SMAD3: variants seen among roughly 807,000 people sequenced by gnomAD.
The protein encoded by SMAD3 is MAD homolog 3.
SMAD3 carries 12 observed loss-of-function variants against 51.8 expected under a neutral mutation model. That is an observed-to-expected ratio of 0.23 (90% confidence interval 0.15 to 0.38). SMAD3 has a LOEUF of 0.38. SMAD3 is among the 10% of genes least tolerant of loss of function. SMAD3 has a pLI of 1.00. For missense variants in SMAD3, 294 were observed against 565.6 expected, an observed-to-expected ratio of 0.52 and a Z score of 4.87; for synonymous variants, 238 against 227.7, an observed-to-expected ratio of 1.05 and a Z score of -0.41.
intron 1 of SMAD3, among the ~76,000 whole-genome samples, chr15:67,125,297 G>A (rs1387718476): frequency 1.3e-5 from 2 of 152,222 alleles, no homozygotes; most frequent in Non-Finnish European, 2.9e-5. Flanking sequence ...GATTAAGAGC[G>A]GCTCCAGTGT....
chr15:67,181,465 C>A lies in SMAD3; in HGVS notation c.871+12C>A. The stretch of plus-strand genomic sequence containing the variant: ...ACGGAGACACATCGGTATGGGGTGG[C>A]TCCATTCCCCGCCCCCCCACCCTGC... On this transcript the variant is annotated intron_variant, in intron 6 of 8. Coordinates refer to ENST00000327367, the MANE Select transcript of SMAD3 (RefSeq NM_005902.4). The A allele has an allele frequency of 6.3e-7, 1 of 1,593,200 alleles. No individual in the cohort carries two copies. Among genetic ancestry groups the A allele is most frequent in the Non-Finnish European group, 8.5e-7 (1 of 1,171,150 alleles).
At chr15:67,182,995 AAAAAAATATAT>A (rs1215963118) in intron 6 of SMAD3, among the ~76,000 whole-genome samples, 4 of 57,428 alleles carry the variant, frequency 7.0e-5, no homozygotes, top group East Asian at 5.4e-4. Context: ...TTAAAAAAAA[AAAAAAATATAT>A]ATATATATAT....
rs1289003673 is a variant in SMAD3 at position 67,190,410 on chromosome 15, C to A, written c.1155-3C>A. Reference sequence around the variant, plus strand: ...ACCCCACCCCTTTCCCTATTTCTTACAGGAGACAGACTGTGACCAGTACCC... The same window carrying A: ...ACCCCACCCCTTTCCCTATTTCTTAAAGGAGACAGACTGTGACCAGTACCC... On this transcript the variant is annotated splice_region_variant and splice_polypyrimidine_tract_variant and intron_variant, in intron 8 of 8. Transcript: ENST00000327367. 1.2e-6 allele frequency: 2 copies of A among 1,613,428 alleles called. No individual in the cohort carries two copies. Among genetic ancestry groups the A allele is most frequent in the South Asian group, 2.2e-5 (2 of 91,064 alleles).
intron 1 of SMAD3, among the ~76,000 whole-genome samples, chr15:67,149,707 T>G (rs1343089458): frequency 1.3e-5 from 2 of 152,194 alleles, no homozygotes; most frequent in Non-Finnish European, 2.9e-5. Flanking sequence ...AAAGGAATGC[T>G]AATTGGCCAC....
intron 1 of SMAD3, among the ~76,000 whole-genome samples, chr15:67,119,267 A>G (rs1961204533): frequency 6.6e-6 from 1 of 152,242 alleles, no homozygotes; most frequent in Non-Finnish European, 1.5e-5. Context: ...CAGAATGGTA[A>G]GGCCTGAAAA....
In SMAD3 at chr15:67,190,701, C is replaced by T. The variant is rs111695641; in HGVS notation, c.*165C>T. On this transcript the variant is annotated 3_prime_UTR_variant, in exon 9 of 9. Transcript: ENST00000327367. ...GTTTTCTGAAACACACGAGCAAACC[C>T]AGAGGTGGATGTTATGAACAGCTGT... is the stretch of plus-strand genomic sequence containing the variant. The T allele has an allele frequency of 6.0e-4, 421 of 700,182 alleles. 3 individuals carry two copies. The African/African-American group carries it at 6.9e-3, about 11-fold the overall frequency. The allele number at this position is 700,182 out of a possible 1,614,324, so 43.4% of individuals were successfully genotyped here. A position where few individuals can be genotyped will look rare whatever the true frequency, so the allele number is the denominator to read the frequency against.
intron 1 of SMAD3, among the ~76,000 whole-genome samples, chr15:67,071,723 A>G (rs1010777526): frequency 6.6e-6 from 1 of 152,154 alleles, no homozygotes; most frequent in Non-Finnish European, 1.5e-5. Context: ...GAGGCAAGAG[A>G]ATGGCGTGAA....
chr15:67,190,430 G>A lies in SMAD3; in HGVS notation c.1172G>A (p.Ser391Asn), dbSNP rs2140327723. 6.2e-7 allele frequency: 1 copy of A among 1,614,010 alleles called. No individual in the cohort carries two copies. The highest frequency in any genetic ancestry group is 8.5e-7 in the Non-Finnish European group (1 of 1,179,970). ...GAEYRRQTVT[S>N]TPCWIELHLN... ...TCTTACAGGAGACAGACTGTGACCA[G>A]TACCCCCTGCTGGATTGAGCTGCAC... The change falls in exon 9 of 9, where the codon AGT (serine) becomes AAT (asparagine). Residue 391 changes from serine to asparagine, a missense_variant. Transcript: ENST00000327367.
At position 67,181,437 on chromosome 15, in the gene SMAD3, G is replaced by T; in HGVS notation, c.855G>T (p.Leu285=). The change falls in exon 6 of 9, where the codon CTG becomes CTT. Residue 285 remains leucine, a synonymous_variant. Coordinates refer to ENST00000327367, the MANE Select transcript of SMAD3 (RefSeq NM_005902.4). ...TCAACAGGAATGCAGCAGTGGAGCTGACACGGAGACACATCGGTATGGGGT... is the reference window on the plus strand; with the variant it reads ...TCAACAGGAATGCAGCAGTGGAGCTTACACGGAGACACATCGGTATGGGGT... ...SNVNRNAAVE[L]TRRHIGRGVR... is the part of the protein sequence containing the mutation. 6.2e-7 allele frequency: 1 copy of T among 1,613,246 alleles called. No individual in the cohort carries two copies. Among genetic ancestry groups the T allele is most frequent in the South Asian group, 1.1e-5 (1 of 91,038 alleles).
chr15:67,143,949 A>G (rs1279136446), intron 1 of SMAD3, among the ~76,000 whole-genome samples: 3 of 149,812 alleles, frequency 2.0e-5, no homozygotes, highest in African/African-American at 4.9e-5. Context: ...GATTACTGGT[A>G]TGAGCCACTG....
rs1052488 is a variant in SMAD3 at position 67,194,509 on chromosome 15, T to C, written c.*3973T>C. ...GATTCTGCAATGGATTTTTTTTTAATGCAGAAGTAATGTATACTCTAGTAT... is the reference window on the plus strand; with the variant it reads ...GATTCTGCAATGGATTTTTTTTTAACGCAGAAGTAATGTATACTCTAGTAT... On this transcript the variant is annotated 3_prime_UTR_variant, in exon 9 of 9. Coordinates refer to ENST00000327367, the MANE Select transcript of SMAD3 (RefSeq NM_005902.4). 67,505 of 232,800 alleles carry C rather than the reference T, an allele frequency of 0.29. 10,306 individuals carry two copies. Among genetic ancestry groups the C allele is most frequent in the African/African-American group, 0.4 (18,156 of 45,356 alleles). The allele number at this position is 232,800 out of a possible 1,614,324, so 14.4% of individuals were successfully genotyped here.
intron 1 of SMAD3, among the ~76,000 whole-genome samples, chr15:67,086,632 A>G (rs1313917768): frequency 6.6e-6 from 1 of 152,178 alleles, no homozygotes; most frequent in Non-Finnish European, 1.5e-5. Context: ...GCAGTTGTAG[A>G]CACATGCCAG....
At chr15:67,074,808 G>A (rs1019112494) in intron 1 of SMAD3, among the ~76,000 whole-genome samples, 1 of 152,154 alleles carries the variant, frequency 6.6e-6, no homozygotes, top group Non-Finnish European at 1.5e-5. Flanking sequence ...TCCTGCCTCA[G>A]CCTCCCATGT....
chr15:67,088,373 C>A (rs139058581), intron 1 of SMAD3, among the ~76,000 whole-genome samples: 1 of 152,212 alleles, frequency 6.6e-6, no homozygotes, highest in Non-Finnish European at 1.5e-5. Context: ...TATAGAAACA[C>A]TGGGACAGAG....
At position 67,178,219 on chromosome 15, in the gene SMAD3, C is replaced by T. The variant is rs1476743433; in HGVS notation, c.659-3022C>T. Among the ~76,000 whole-genome samples, 6 of 152,178 alleles carry T rather than the reference C, an allele frequency of 3.9e-5. No individual in the cohort carries two copies. The South Asian group carries it at 1.0e-3, about 26-fold the overall frequency. On this transcript the variant is annotated intron_variant, in intron 5 of 8. Coordinates refer to ENST00000327367, the MANE Select transcript of SMAD3 (RefSeq NM_005902.4). Reference sequence around the variant, plus strand: ...TTTGATTCTGAGGGTCCTTGAAGCCCACCCTTCCCCAGAGCATGGTTCTAG... The same window carrying T: ...TTTGATTCTGAGGGTCCTTGAAGCCTACCCTTCCCCAGAGCATGGTTCTAG...
intron 1 of SMAD3, among the ~76,000 whole-genome samples, chr15:67,084,188 G>A (rs1368529793): frequency 1.4e-5 from 2 of 140,934 alleles, no homozygotes; most frequent in African/African-American, 5.3e-5. Flanking sequence ...CTATTCTCCT[G>A]CCTCAGCCTC....
intron 1 of SMAD3, among the ~76,000 whole-genome samples, chr15:67,122,903 C>T (rs1467509308): frequency 2.0e-5 from 3 of 152,066 alleles, no homozygotes; most frequent in African/African-American, 2.4e-5. Context: ...TAAATACTTG[C>T]GTCCGGGCAT....
At chr15:67,158,571 A>G (rs1470004) in intron 1 of SMAD3, among the ~76,000 whole-genome samples, 131,600 of 152,292 alleles carry the variant, frequency 0.86, 56,906 homozygotes, top group Middle Eastern at 0.89. Flanking sequence ...ACCCAGCCTG[A>G]CAGCCAGGAG....
intron 1 of SMAD3, among the ~76,000 whole-genome samples, chr15:67,137,185 G>A (rs1280130220): frequency 2.0e-5 from 3 of 152,198 alleles, no homozygotes; most frequent in African/African-American, 7.2e-5. Flanking sequence ...TTCTGAAAAA[G>A]GACAAGGGTG....
Sources: gnomAD v4.1 joint callset for allele counts (sites outside exome capture counted in the v4.1 genomes callset) on GRCh38, gnomAD v4.1.1 for gene constraint, MANE v1.5 for transcripts, NCBI Gene and HGNC (gene_info 2026-07-23, HGNC 2026-07-21) for gene names.